The following MAMLD1 variants were observed in gnomAD, a reference collection of about 807,000 sequenced individuals.
MAMLD1 encodes the protein mastermind-like domain-containing protein 1.
A neutral mutation model predicts 45.0 loss-of-function variants in MAMLD1; 14 were observed. That is an observed-to-expected ratio of 0.31 (90% confidence interval 0.21 to 0.49). MAMLD1 has a LOEUF of 0.49. Among genes scored for constraint, MAMLD1 ranks in the 20% least tolerant of loss-of-function variants. The pLI, the probability that MAMLD1 is intolerant of heterozygous loss-of-function variation, is 0.99. For missense variants in MAMLD1, 543 were observed against 603.6 expected (o/e 0.90, Z 1.05); for synonymous variants, 254 against 247.8 (o/e 1.02, Z -0.24).
At chrX:150,392,510 G>A (rs1231445020) in intron 1 of MAMLD1, among the ~76,000 whole-genome samples, 1 of 111,024 alleles carries the variant, frequency 9.0e-6, no homozygotes, top group Non-Finnish European at 1.9e-5. Flanking sequence ...CTACCCTGAT[G>A]GGGAAGTGGT....
At chrX:150,468,978 A>AGT (rs67617988) in intron 3 of MAMLD1, among the ~76,000 whole-genome samples, 8,020 of 100,325 alleles carry the variant, frequency 0.08, 704 homozygotes, top group African/African-American at 0.24. Context: ...AATGTGTGAG[A>AGT]GTGTGTGTGT....
At position 150,445,595 on chromosome X, in the gene MAMLD1, A is replaced by G; in HGVS notation, c.79A>G (p.Arg27Gly). The change falls in exon 2 of 8, where the codon AGA (arginine) becomes GGA (glycine). Residue 27 changes from arginine to glycine, a missense_variant. Arg to Gly is a moderately radical substitution (Grantham distance 125, BLOSUM62 -2). Transcript: ENST00000370401. The part of the protein sequence containing the change: ...FAMVGNRQEP[R>G]KLQESGKKPS... ...CATGGTGGGAAATCGTCAGGAGCCC[A>G]GAAAGCTCCAGGAATCGGTCAGACA... 1 of 1,206,141 alleles carries G rather than the reference A, an allele frequency of 8.3e-7. No individual in the cohort carries two copies. Among genetic ancestry groups the G allele is most frequent in the Non-Finnish European group, 1.1e-6 (1 of 890,665 alleles).
chrX:150,489,657 G>A (rs2037115567), intron 5 of MAMLD1, among the ~76,000 whole-genome samples: 1 of 109,189 alleles, frequency 9.2e-6, no homozygotes, highest in African/African-American at 3.4e-5. Context: ...CACTGGGGCA[G>A]TGGGGGTGTG....
At chrX:150,487,108 C>T (rs1393259826) in intron 5 of MAMLD1, among the ~76,000 whole-genome samples, 2 of 111,814 alleles carry the variant, frequency 1.8e-5, no homozygotes, top group African/African-American at 6.5e-5. Context: ...GCTGCTGCTG[C>T]TGCTAGTACA....
In MAMLD1 at chrX:150,514,018, CCA is replaced by C; in HGVS notation, c.*2063_*2064del. On this transcript the variant is annotated 3_prime_UTR_variant, in exon 8 of 8. Transcript: ENST00000370401. Reference sequence around the variant, plus strand: ...TATTTAAGTGTCTGTTATAGAAAACCCACACCCACTGTCCTGTAAACTTTTCT... The same window carrying C: ...TATTTAAGTGTCTGTTATAGAAAACCCACCCACTGTCCTGTAAACTTTTCT... 6.9e-6 allele frequency: 2 copies of C among 290,224 alleles called. No individual in the cohort carries two copies. Among genetic ancestry groups the C allele is most frequent in the Non-Finnish European group, 1.2e-5 (2 of 165,985 alleles). The allele number at this position is 290,224 out of a possible 1,213,427, so 23.9% of individuals were successfully genotyped here. A position where few individuals can be genotyped will look rare whatever the true frequency, so the allele number is the denominator to read the frequency against.
At chrX:150,425,101 T>C (rs373377767) in intron 1 of MAMLD1, among the ~76,000 whole-genome samples, 13 of 112,466 alleles carry the variant, frequency 1.2e-4, no homozygotes, top group Non-Finnish European at 2.1e-4. Context: ...GATAATATTA[T>C]ACTGTACAGC....
chrX:150,420,765 G>A (rs1328410325), intron 1 of MAMLD1, among the ~76,000 whole-genome samples: 2 of 112,556 alleles, frequency 1.8e-5, no homozygotes, highest in Admixed American at 9.3e-5. Context: ...TCAGGGGTCA[G>A]GGACCCACTT....
chrX:150,438,413 T>C (rs954638025), intron 1 of MAMLD1, among the ~76,000 whole-genome samples: 2 of 112,517 alleles, frequency 1.8e-5, no homozygotes, highest in Non-Finnish European at 3.8e-5. Context: ...TGATATTTAG[T>C]ACATTCACAA....
intron 1 of MAMLD1, among the ~76,000 whole-genome samples, chrX:150,441,717 G>T (rs1459735926): frequency 1.8e-5 from 2 of 110,576 alleles, no homozygotes; most frequent in Admixed American, 1.9e-4. Flanking sequence ...TGTCTATATT[G>T]GTATATATTT....
chrX:150,504,533 C>T, intron 6 of MAMLD1: 1 of 538,044 alleles, frequency 1.9e-6, no homozygotes, highest in Non-Finnish European at 2.3e-6. Context: ...CTCAGCTGTT[C>T]ACTCTTCAGC....
intron 1 of MAMLD1, among the ~76,000 whole-genome samples, chrX:150,365,931 A>G (rs986332644): frequency 3.4e-4 from 38 of 112,660 alleles, no homozygotes; most frequent in African/African-American, 1.2e-3. Flanking sequence ...CCCCCCTAAA[A>G]CTTTCGAGAA....
intron 1 of MAMLD1, among the ~76,000 whole-genome samples, chrX:150,369,463 T>TA (rs2031786157): frequency 2.7e-5 from 3 of 111,313 alleles, no homozygotes; most frequent in African/African-American, 9.8e-5. Flanking sequence ...AAAGGAGGAG[T>TA]AAAAAAATGG....
chrX:150,460,963 G>A (rs782560124), intron 2 of MAMLD1, among the ~76,000 whole-genome samples: 2 of 112,537 alleles, frequency 1.8e-5, no homozygotes, highest in African/African-American at 3.2e-5. Flanking sequence ...CAGGGACCTC[G>A]CATCTGGAGA....
At chrX:150,431,570 C>T (rs192047950) in intron 1 of MAMLD1, among the ~76,000 whole-genome samples, 213 of 110,479 alleles carry the variant, frequency 1.9e-3, no homozygotes, top group Non-Finnish European at 3.3e-3. Flanking sequence ...CTCTTCCCTC[C>T]GTCCACCCTC....
At chrX:150,398,330 AAG>A (rs1569564616) in intron 1 of MAMLD1, among the ~76,000 whole-genome samples, 9 of 82,994 alleles carry the variant, frequency 1.1e-4, no homozygotes, top group African/African-American at 3.6e-4. Flanking sequence ...GAAGAAGAAG[AAG>A]AAGAAGAAGA....
intron 5 of MAMLD1, among the ~76,000 whole-genome samples, chrX:150,490,429 T>C (rs920576385): frequency 2.7e-5 from 3 of 112,547 alleles, no homozygotes; most frequent in East Asian, 2.8e-4. Context: ...TAAAACCCTA[T>C]GCATTTGGAA....
chrX:150,373,053 A>C (rs1557401190), intron 1 of MAMLD1, among the ~76,000 whole-genome samples: 1 of 111,832 alleles, frequency 8.9e-6, no homozygotes, highest in Admixed American at 9.4e-5. Context: ...GGAGGCTCCC[A>C]AGAGCCTGCC....
Position 150,398,342 on chromosome X carries a change from A to AAGAAGAAGG in MAMLD1, c.-64+34812_-64+34813insAGAAGAAGG, listed in dbSNP as rs1569564634. On this transcript the variant is annotated intron_variant, in intron 1 of 7. Coordinates refer to ENST00000370401, the MANE Select transcript of MAMLD1 (RefSeq NM_005491.5). ...GAAGAAGAAGAAGAAGAAGAAGAAGAGGAAGAGGAAGAGGAAGAGGAAGAG... is the reference window on the plus strand; with the variant it reads ...GAAGAAGAAGAAGAAGAAGAAGAAGAAGAAGAAGGGGAAGAGGAAGAGGAAGAGGAAGAG... 1.6e-3 allele frequency among the ~76,000 whole-genome samples: 102 copies of AAGAAGAAGG among 65,128 alleles called. 2 individuals carry two copies. Among genetic ancestry groups the AAGAAGAAGG allele is most frequent in the Non-Finnish European group, 2.2e-3 (72 of 32,070 alleles). The allele number at this position is 65,128 out of a possible 115,157, so 56.6% of individuals were successfully genotyped here. A position where few individuals can be genotyped will look rare whatever the true frequency, so the allele number is the denominator to read the frequency against.
chrX:150,406,744 G>A (rs782006407), intron 1 of MAMLD1, among the ~76,000 whole-genome samples: 7 of 111,896 alleles, frequency 6.3e-5, no homozygotes, highest in African/African-American at 2.3e-4. Flanking sequence ...TCAGCCCCAA[G>A]AGGATGAGAC....
Sources: gnomAD v4.1 joint callset for allele counts (sites outside exome capture counted in the v4.1 genomes callset) on GRCh38, gnomAD v4.1.1 for gene constraint, MANE v1.5 for transcripts, NCBI Gene and HGNC (gene_info 2026-07-23, HGNC 2026-07-21) for gene names.